Variants in PDE1C observed in about 807,000 individuals in gnomAD.
PDE1C encodes the protein phosphodiesterase 1C.
In PDE1C, 62 loss-of-function variants were observed where a neutral mutation model predicts 93.1. The ratio of observed to expected loss-of-function variants is 0.67; its 90% confidence interval spans 0.54 to 0.82. PDE1C has a LOEUF of 0.82. PDE1C is among the 40% of genes least tolerant of loss of function. The pLI is 0.00. For synonymous variants in PDE1C, 325 were observed against 310.1 expected, an observed-to-expected ratio of 1.05 and a Z score of -0.50; for missense variants, 742 against 884.6, an observed-to-expected ratio of 0.84 and a Z score of 2.04.
chr7:32,415,205 C>G (rs905355825), intron 1 of PDE1C, among the ~76,000 whole-genome samples: 1 of 152,138 alleles, frequency 6.6e-6, no homozygotes, highest in African/African-American at 2.4e-5. Context: ...AATTCCAACA[C>G]TTGGAGAGGC....
chr7:31,721,914 C>A, the PDE1C span, among the ~76,000 whole-genome samples: 5 of 152,184 alleles, frequency 3.3e-5, no homozygotes, highest in Non-Finnish European at 7.3e-5. Context: ...ATCTTCACAA[C>A]AATCCCACTC....
At chr7:31,973,726 G>T (rs1443895243) in intron 2 of PDE1C, among the ~76,000 whole-genome samples, 1 of 152,110 alleles carries the variant, frequency 6.6e-6, no homozygotes, top group Non-Finnish European at 1.5e-5. Context: ...CTTGCCCAAG[G>T]TCACACAGCT....
intron 2 of PDE1C, among the ~76,000 whole-genome samples, chr7:32,004,448 CAGT>C (rs1169176926): frequency 6.6e-6 from 1 of 152,168 alleles, no homozygotes; most frequent in Admixed American, 6.5e-5. Flanking sequence ...TTTCCTCTGG[CAGT>C]AGAATACTCT....
intron 2 of PDE1C, among the ~76,000 whole-genome samples, chr7:31,927,026 C>T (rs550493139): frequency 7.2e-5 from 11 of 152,298 alleles, no homozygotes; most frequent in Non-Finnish European, 4.4e-5. Flanking sequence ...CAGTGGGTTC[C>T]ACTTCCATGA....
chr7:32,037,053 A>C (rs1791196563), intron 2 of PDE1C, among the ~76,000 whole-genome samples: 1 of 152,106 alleles, frequency 6.6e-6, no homozygotes. Flanking sequence ...TTACGTAAGA[A>C]AGAAATCATA....
chr7:32,301,017 AT>A (rs1812869177), upstream of PDE1C, among the ~76,000 whole-genome samples: 1 of 151,786 alleles, frequency 6.6e-6, no homozygotes, highest in Non-Finnish European at 1.5e-5. Context: ...TAAAAAAAAA[AT>A]TGTAGAGGCA....
the PDE1C span, among the ~76,000 whole-genome samples, chr7:31,670,244 A>T: frequency 6.6e-6 from 1 of 152,184 alleles, no homozygotes; most frequent in Non-Finnish European, 1.5e-5. Context: ...TGAAAATCCG[A>T]AACCTGAAGT....
the PDE1C span, chr7:31,707,345 A>G: frequency 1.0e-5 from 14 of 1,393,342 alleles, no homozygotes; most frequent in African/African-American, 2.0e-4. Flanking sequence ...TGACCTAGAG[A>G]AAAAATAGAC....
At chr7:31,755,342 G>T (rs10240123) in intron 17 of PDE1C, among the ~76,000 whole-genome samples, 103,081 of 151,990 alleles carry the variant, frequency 0.68, 35,045 homozygotes, top group Admixed American at 0.75. Context: ...CACATATATT[G>T]TCTTGCTCTA....
At chr7:32,356,215 T>C (rs1437030207) in intron 1 of PDE1C, among the ~76,000 whole-genome samples, 2 of 152,184 alleles carry the variant, frequency 1.3e-5, no homozygotes, top group East Asian at 3.9e-4. Context: ...ACATTCAGGT[T>C]TTAGAACCCC....
intron 1 of PDE1C, among the ~76,000 whole-genome samples, chr7:32,245,445 T>C (rs1035678684): frequency 2.0e-5 from 3 of 152,232 alleles, no homozygotes; most frequent in Non-Finnish European, 4.4e-5. Flanking sequence ...CTGTGAGCTT[T>C]GCTCTCTAAT....
chr7:31,859,557 C>T (rs1310766586), intron 7 of PDE1C, among the ~76,000 whole-genome samples: 1 of 151,610 alleles, frequency 6.6e-6, no homozygotes, highest in Admixed American at 6.6e-5. Context: ...GCTCACTTTA[C>T]CTAAGTAATG....
intron 17 of PDE1C, among the ~76,000 whole-genome samples, chr7:31,762,559 C>T (rs185491855): frequency 1.3e-5 from 2 of 152,084 alleles, no homozygotes; most frequent in South Asian, 2.1e-4. Context: ...AGAGTGGTCT[C>T]GAACTCCTGA....
chr7:32,349,522 G>T (rs1055899651), intron 1 of PDE1C, among the ~76,000 whole-genome samples: 4 of 152,176 alleles, frequency 2.6e-5, no homozygotes, highest in Admixed American at 1.3e-4. Context: ...CTCTGGAGAG[G>T]TGTTTTCTAA....
intron 16 of PDE1C, among the ~76,000 whole-genome samples, chr7:31,807,888 C>T (rs1035633891): frequency 6.6e-6 from 1 of 151,482 alleles, no homozygotes; most frequent in Non-Finnish European, 1.5e-5. Context: ...AAGAAGGGTA[C>T]ACTCATTAGG....
intron 2 of PDE1C, among the ~76,000 whole-genome samples, chr7:32,025,978 C>T (rs1417453806): frequency 1.3e-5 from 2 of 152,124 alleles, no homozygotes; most frequent in African/African-American, 2.4e-5. Context: ...CTCTACCTGA[C>T]AGCTGGTTAC....
At position 32,178,340 on chromosome 7, in the gene PDE1C, C is replaced by T. The variant is rs79390517; in HGVS notation, c.137-8384G>A. Among the ~76,000 whole-genome samples, 120 of 152,224 alleles carry T rather than the reference C, an allele frequency of 7.9e-4. No homozygotes were observed. The East Asian group carries it at 0.022, about 28-fold the overall frequency. The stretch of plus-strand genomic sequence containing the variant: ...GAACTCTGAGAGAGTGGAAAAGAAC[C>T]CTTCCTCTGACTCTCCACAAATGTG... On this transcript the variant is annotated intron_variant, in intron 2 of 18. Transcript: ENST00000396193.
intron 2 of PDE1C, among the ~76,000 whole-genome samples, chr7:31,972,818 G>C (rs1260757116): frequency 2.0e-5 from 3 of 152,140 alleles, no homozygotes; most frequent in Non-Finnish European, 4.4e-5. Flanking sequence ...GAAAGACTAA[G>C]CAGAAGCACA....
chr7:32,100,901 G>T (rs934582631), intron 3 of PDE1C, among the ~76,000 whole-genome samples: 6 of 152,192 alleles, frequency 3.9e-5, no homozygotes, highest in African/African-American at 1.4e-4. Flanking sequence ...GTAAGAAAGG[G>T]TTGATTCAAT....
Sources: gnomAD v4.1 joint callset for allele counts (sites outside exome capture counted in the v4.1 genomes callset) on GRCh38, gnomAD v4.1.1 for gene constraint, MANE v1.5 for transcripts, NCBI Gene and HGNC (gene_info 2026-07-23, HGNC 2026-07-21) for gene names.